KIF13B: variants seen among roughly 807,000 people sequenced by gnomAD.
KIF13B encodes the protein kinesin-like protein KIF13B.
Under a neutral mutation model 222.0 loss-of-function variants are expected in KIF13B, and 127 were observed. The ratio of observed to expected loss-of-function variants is 0.57; its 90% CI spans 0.50 to 0.66. The LOEUF (loss-of-function observed/expected upper bound fraction) is 0.66, where lower values mean the gene tolerates loss of function less well. KIF13B is among the 30% of genes least tolerant of loss of function. The pLI, the probability that KIF13B is intolerant of heterozygous loss-of-function variation, is 0.00. For missense variants in KIF13B, 2,173 were observed against 2,379.0 expected, an observed-to-expected ratio of 0.91 and a Z score of 1.80; for synonymous variants, 976 against 919.0, an observed-to-expected ratio of 1.06 and a Z score of -1.12.
chr8:29,205,335 C>T (rs1369348764), intron 2 of KIF13B, among the ~76,000 whole-genome samples: 3 of 152,156 alleles, frequency 2.0e-5, no homozygotes, highest in African/African-American at 7.2e-5. Context: ...AAATGCTAGG[C>T]TTAAGTTCCC....
At chr8:29,150,199 A>G (rs1461499187) in intron 15 of KIF13B, 98 bp downstream of exon 15, 5 of 677,770 alleles carry the variant, frequency 7.4e-6, no homozygotes, top group Admixed American at 2.5e-5. Flanking sequence ...ACACAATAAC[A>G]TAATTGTTGT....
intron 2 of KIF13B, among the ~76,000 whole-genome samples, chr8:29,214,869 T>G (rs1009340590): frequency 3.9e-5 from 6 of 152,198 alleles, no homozygotes; most frequent in Non-Finnish European, 8.8e-5. Flanking sequence ...CTTCATAATT[T>G]GATGGGACCA....
Position 29,096,293 on chromosome 8 carries a change from CTT to C in KIF13B, c.4324+2838_4324+2839del, listed in dbSNP as rs61008499. ...GCCACTGCACCCAGCCCAAGCTTTT[CTT>C]TTTTTTTTTTTTTTTTTTTTTTGAG... On this transcript the variant is annotated intron_variant, in intron 36 of 39. Transcript: ENST00000524189. Among the ~76,000 whole-genome samples the C allele has an allele frequency of 6.1e-3, 471 of 76,714 alleles. 3 individuals are homozygous for C. Among genetic ancestry groups the C allele is most frequent in the African/African-American group, 0.011 (255 of 23,934 alleles). 50.3% of individuals were successfully genotyped at this position (76,714 alleles called of 152,430 possible). A position where few individuals can be genotyped will look rare whatever the true frequency, so the allele number is the denominator to read the frequency against.
At chr8:29,217,835 T>C (rs1424198983) in intron 2 of KIF13B, among the ~76,000 whole-genome samples, 2 of 152,136 alleles carry the variant, frequency 1.3e-5, no homozygotes, top group East Asian at 1.9e-4. Context: ...AATGTCATGG[T>C]TTTTTCCAGT....
rs888035836 is a variant in KIF13B, at chr8:29,070,965, C to A, written c.5219-199G>T. ...GGCCAGGGCCTGGGGTGACCGCCTC[C>A]CAGGACAGTGAGCAGTGGTGACCAA... On this transcript the variant is annotated intron_variant, in intron 39 of 39. Coordinates refer to ENST00000524189, the MANE Select transcript of KIF13B (RefSeq NM_015254.4). This position sits in a 1 kb window ranked among gnomAD's most constrained non-coding sequence, Gnocchi z 4.1. 7.2e-5 allele frequency among the ~76,000 whole-genome samples: 11 copies of A among 152,276 alleles called. 1 individual carries two copies. Among genetic ancestry groups the A allele is most frequent in the African/African-American group, 2.6e-4 (11 of 41,566 alleles).
At position 29,140,457 on chromosome 8, in the gene KIF13B, A is replaced by G. The variant is rs1256874616; in HGVS notation, c.2484+11T>C. On this transcript the variant is annotated intron_variant, in intron 20 of 39. Coordinates refer to ENST00000524189, the MANE Select transcript of KIF13B (RefSeq NM_015254.4). ...TCTCTACAGGAAACAAGGCATGAAG[A>G]GAAAACCAACCTCTCCTTTCTGGTT... is the stretch of plus-strand genomic sequence containing the variant. 6.2e-7 allele frequency: 1 copy of G among 1,611,940 alleles called. No individual in the cohort carries two copies. The highest frequency in any genetic ancestry group is 1.3e-5 in the African/African-American group (1 of 74,866).
At chr8:29,122,356 T>C (rs1464131802) in intron 29 of KIF13B, among the ~76,000 whole-genome samples, 4 of 152,100 alleles carry the variant, frequency 2.6e-5, no homozygotes, top group African/African-American at 9.7e-5. Flanking sequence ...CATGGCACCG[T>C]GAGCTGCAGG....
At chr8:29,223,857 A>G (rs1329353174) in intron 2 of KIF13B, among the ~76,000 whole-genome samples, 2 of 151,846 alleles carry the variant, frequency 1.3e-5, no homozygotes, top group East Asian at 1.9e-4. Flanking sequence ...ACGCCTGGCT[A>G]ATTTTTTGTA....
At chr8:29,147,665 G>T (rs1343517436) in intron 16 of KIF13B, 63 bp from the exon 17 acceptor site, 21 of 1,202,110 alleles carry the variant, frequency 1.7e-5, no homozygotes, top group Non-Finnish European at 2.4e-5. Context: ...TTCAAATGTT[G>T]TTCTATATGG....
Position 29,123,505 on chromosome 8 carries a change from G to C in KIF13B, c.3353-13C>G. ...TCCTCTGTTTTATCTAGAACATCGA[G>C]AATGAGGATTCAATGACAAAACTTC... On this transcript the variant is annotated splice_polypyrimidine_tract_variant and intron_variant, in intron 27 of 39. Coordinates refer to ENST00000524189, the MANE Select transcript of KIF13B (RefSeq NM_015254.4). The C allele has an allele frequency of 6.2e-7, 1 of 1,613,498 alleles. No homozygotes were observed.
intron 2 of KIF13B, among the ~76,000 whole-genome samples, chr8:29,206,503 T>C (rs759617499): frequency 6.6e-6 from 1 of 152,204 alleles, no homozygotes; most frequent in East Asian, 1.9e-4. Context: ...TCCAAAAGTT[T>C]CACGACTACC....
intron 37 of KIF13B, 95 bp from the exon 38 acceptor site, chr8:29,075,438 C>T (rs1324405045): frequency 4.5e-6 from 5 of 1,117,468 alleles, no homozygotes; most frequent in East Asian, 2.6e-5. Flanking sequence ...AGGACCTGCC[C>T]GAGGGGAATC....
Position 29,118,888 on chromosome 8 carries a change from C to G in KIF13B, c.3640G>C (p.Val1214Leu). The change falls in exon 30 of 40, where the codon GTG becomes CTG. Residue 1214 changes from valine to leucine, a missense_variant. This residue lies in a region of KIF13B where 1,480 missense variants were observed against 1,722.8 expected (regional missense o/e 0.86). Coordinates refer to ENST00000524189, the MANE Select transcript of KIF13B (RefSeq NM_015254.4). ...CTTACCTCCCCATCATGCTGCTTCACAATCTGCAATTCAAAGAACTCCTCT... is the reference window on the plus strand; with the variant it reads ...CTTACCTCCCCATCATGCTGCTTCAGAATCTGCAATTCAAAGAACTCCTCT... ...EEEEFFELQI[V>L]KQHDGEVKAE... 1 of 1,613,960 alleles carries G rather than the reference C, an allele frequency of 6.2e-7. No individual in the cohort carries two copies. The highest frequency in any genetic ancestry group is 2.2e-5 in the East Asian group (1 of 44,880).
chr8:29,169,877 C>T (rs2130185426), intron 10 of KIF13B, among the ~76,000 whole-genome samples: 1 of 152,328 alleles, frequency 6.6e-6, no homozygotes, highest in East Asian at 1.9e-4. Flanking sequence ...AACCACTGCA[C>T]ACTGTCAGCC....
intron 22 of KIF13B, among the ~76,000 whole-genome samples, 160 bp downstream of exon 22, chr8:29,133,880 G>A (rs1038089285): frequency 2.6e-5 from 4 of 152,188 alleles, no homozygotes; most frequent in African/African-American, 9.7e-5. Context: ...GGTTGTGGAG[G>A]AGTATAGATG....
chr8:29,155,997 C>G (rs747207772), intron 13 of KIF13B, 141 bp from the exon 14 acceptor site: 15 of 585,762 alleles, frequency 2.6e-5, no homozygotes, highest in Non-Finnish European at 4.4e-5. Context: ...GAGACAGAGT[C>G]TTGCTCTATC....
At chr8:29,237,919 T>C (rs1465253357) in intron 2 of KIF13B, among the ~76,000 whole-genome samples, 1 of 152,190 alleles carries the variant, frequency 6.6e-6, no homozygotes, top group African/African-American at 2.4e-5. Flanking sequence ...AACTTCTGAG[T>C]ACACAGAACC....
chr8:29,180,066 T>C (rs540533724), intron 8 of KIF13B, 38 bp downstream of exon 8: 6 of 1,609,330 alleles, frequency 3.7e-6, no homozygotes, highest in Middle Eastern at 1.7e-4. Flanking sequence ...CAATCCACTT[T>C]AGAAATATAA....
intron 2 of KIF13B, among the ~76,000 whole-genome samples, chr8:29,203,373 T>C (rs1297477507): frequency 6.6e-6 from 1 of 152,210 alleles, no homozygotes; most frequent in Non-Finnish European, 1.5e-5. Context: ...ACTTCACTTA[T>C]TCATTTATTA....
Sources: allele counts gnomAD v4.1 joint callset (sites outside exome capture counted in the v4.1 genomes callset), GRCh38; gene constraint gnomAD v4.1.1; regional missense constraint gnomAD v4.1.1; non-coding constraint Gnocchi (gnomAD v3.1); transcripts MANE v1.5; gene names NCBI Gene and HGNC (gene_info 2026-07-23, HGNC 2026-07-21).